Variants in CTNNA3 observed in about 807,000 individuals in gnomAD.
CTNNA3 encodes catenin alpha-3.
A neutral mutation model predicts 95.7 loss-of-function variants in CTNNA3; 76 were observed. That is an observed-to-expected ratio of 0.79 (90% CI 0.66 to 0.96). The LOEUF (loss-of-function observed/expected upper bound fraction) is 0.96. CTNNA3 is among the 40% of genes least tolerant of loss of function. The pLI, the probability that CTNNA3 is intolerant of heterozygous loss-of-function variation, is 0.00. For synonymous variants in CTNNA3, 431 were observed against 374.4 expected, an observed-to-expected ratio of 1.15 and a Z score of -1.74; for missense variants, 1,191 against 1,089.8, an observed-to-expected ratio of 1.09 and a Z score of -1.31.
At chr10:66,507,666 C>T (rs1170468766) in intron 11 of CTNNA3, among the ~76,000 whole-genome samples, 7 of 152,020 alleles carry the variant, frequency 4.6e-5, no homozygotes, top group Non-Finnish European at 8.8e-5. Context: ...ATGTTACCAA[C>T]GACAATATTT....
At chr10:67,407,241 C>T (rs1320304653) in intron 5 of CTNNA3, among the ~76,000 whole-genome samples, 1 of 152,176 alleles carries the variant, frequency 6.6e-6, no homozygotes, top group African/African-American at 2.4e-5. Context: ...GTCTTCATCC[C>T]TGGAATGCAA....
chr10:67,538,497 G>T (rs1840558541), intron 4 of CTNNA3, among the ~76,000 whole-genome samples: 1 of 151,298 alleles, frequency 6.6e-6, no homozygotes. Context: ...CTGGAGAATT[G>T]CATGAACCCA....
At chr10:66,895,154 G>T (rs1007776106) in intron 7 of CTNNA3, among the ~76,000 whole-genome samples, 16 of 151,892 alleles carry the variant, frequency 1.1e-4, no homozygotes, top group African/African-American at 3.9e-4. Context: ...GCATAGAAGG[G>T]TCTAGAACTA....
At chr10:67,287,544 A>T (rs1336583299) in intron 5 of CTNNA3, among the ~76,000 whole-genome samples, 1 of 152,156 alleles carries the variant, frequency 6.6e-6, no homozygotes, top group Non-Finnish European at 1.5e-5. Flanking sequence ...CATATTTCTC[A>T]CACTGACTGC....
intron 7 of CTNNA3, among the ~76,000 whole-genome samples, chr10:66,881,566 T>G (rs1388320833): frequency 6.6e-6 from 1 of 152,076 alleles, no homozygotes; most frequent in African/African-American, 2.4e-5. Flanking sequence ...CATATTCAAA[T>G]AAATAATAAC....
intron 5 of CTNNA3, among the ~76,000 whole-genome samples, chr10:67,263,439 A>C (rs1242103791): frequency 6.6e-6 from 1 of 152,200 alleles, no homozygotes; most frequent in East Asian, 1.9e-4. Context: ...AATTGTGCAG[A>C]ATCTTTTCCT....
At chr10:67,653,536 G>A (rs148574843) in intron 1 of CTNNA3, among the ~76,000 whole-genome samples, 1 of 152,252 alleles carries the variant, frequency 6.6e-6, no homozygotes, top group East Asian at 1.9e-4. Context: ...AGGTTCCAGT[G>A]AAAGAAAATG....
intron 3 of CTNNA3, among the ~76,000 whole-genome samples, chr10:67,580,182 T>G (rs1009841550): frequency 1.3e-5 from 2 of 152,186 alleles, no homozygotes; most frequent in African/African-American, 2.4e-5. Context: ...GCTCTTATGG[T>G]TTTAGGTCTG....
At chr10:67,205,599 G>A (rs893816177) in intron 6 of CTNNA3, among the ~76,000 whole-genome samples, 1 of 152,142 alleles carries the variant, frequency 6.6e-6, no homozygotes, top group African/African-American at 2.4e-5. Context: ...CAGGAGGCTT[G>A]AGAACAGAGT....
At chr10:66,579,906 T>C (rs1418539532) in intron 10 of CTNNA3, among the ~76,000 whole-genome samples, 2 of 151,780 alleles carry the variant, frequency 1.3e-5, no homozygotes, top group African/African-American at 4.8e-5. Context: ...GCTTTAAACA[T>C]TTGTCTTTAA....
chr10:66,204,988 A>C (rs1049445283), intron 13 of CTNNA3, among the ~76,000 whole-genome samples: 7 of 152,196 alleles, frequency 4.6e-5, no homozygotes, highest in Admixed American at 1.3e-4. Flanking sequence ...AATAAAAAAG[A>C]AAGTAATAAA....
chr10:66,540,499 T>C (rs1158575541), intron 10 of CTNNA3, among the ~76,000 whole-genome samples: 1 of 152,142 alleles, frequency 6.6e-6, no homozygotes, highest in Non-Finnish European at 1.5e-5. Context: ...GTTTCTGTAA[T>C]GAGTCAAAAA....
intron 11 of CTNNA3, among the ~76,000 whole-genome samples, chr10:66,485,568 A>G (rs566537044): frequency 6.6e-6 from 1 of 152,292 alleles, no homozygotes; most frequent in African/African-American, 2.4e-5. Flanking sequence ...AAAAATTATA[A>G]AACATTGATG....
At chr10:66,296,645 T>C (rs547391006) in intron 12 of CTNNA3, among the ~76,000 whole-genome samples, 32 of 151,862 alleles carry the variant, frequency 2.1e-4, no homozygotes, top group African/African-American at 6.0e-4. Context: ...ACAAAAATCA[T>C]GCCTGTTGAT....
chr10:65,933,853 T>C (rs2077293145), intron 17 of CTNNA3, among the ~76,000 whole-genome samples: 1 of 152,136 alleles, frequency 6.6e-6, no homozygotes, highest in South Asian at 2.1e-4. Flanking sequence ...TTACAACTGA[T>C]TGGTCTAGAG....
intron 12 of CTNNA3, among the ~76,000 whole-genome samples, chr10:66,325,404 A>G (rs16922823): frequency 0.071 from 10,779 of 152,124 alleles, 579 homozygotes; most frequent in East Asian, 0.11. Context: ...TGCAGAAAAA[A>G]TAACGTGCTT....
At chr10:66,708,395 C>T (rs547058587) in intron 9 of CTNNA3, among the ~76,000 whole-genome samples, 1 of 152,098 alleles carries the variant, frequency 6.6e-6, no homozygotes, top group South Asian at 2.1e-4. Context: ...CTTCGCATGG[C>T]CTTTCCTCTG....
At chr10:67,214,974 A>G (rs1275488378) in intron 6 of CTNNA3, among the ~76,000 whole-genome samples, 1 of 151,992 alleles carries the variant, frequency 6.6e-6, no homozygotes, top group Non-Finnish European at 1.5e-5. Flanking sequence ...GAGAATGGTG[A>G]CTTCCATCAG....
Position 66,984,300 on chromosome 10 carries a change from G to T in CTNNA3, c.1047+196017C>A, listed in dbSNP as rs578250842. ...AAGATAGTTGATAAACTGGCTAAAG[G>T]GAAACTAAGAGAATACCAAACATTA... is the stretch of plus-strand genomic sequence containing the variant. On this transcript the variant is annotated intron_variant, in intron 7 of 17. Transcript: ENST00000433211. 6.5e-4 allele frequency among the ~76,000 whole-genome samples: 99 copies of T among 152,218 alleles called. 1 individual carries two copies. The South Asian group carries it at 0.017, about 26-fold the overall frequency.
Sources: gnomAD v4.1 joint callset for allele counts (sites outside exome capture counted in the v4.1 genomes callset) on GRCh38, gnomAD v4.1.1 for gene constraint, MANE v1.5 for transcripts, NCBI Gene and HGNC (gene_info 2026-07-23, HGNC 2026-07-21) for gene names.